RABGAP1L: variants seen among roughly 807,000 people sequenced by gnomAD.
RABGAP1L encodes RAB GTPase activating protein 1 like, also known as rab GTPase-activating protein 1-like.
A neutral mutation model predicts 137.7 loss-of-function variants in RABGAP1L; 63 were observed. The ratio of observed to expected loss-of-function variants is 0.46; its 90% CI spans 0.37 to 0.56. The LOEUF (loss-of-function observed/expected upper bound fraction) is 0.56, where lower values mean the gene tolerates loss of function less well. Among genes scored for constraint, RABGAP1L ranks in the 20% least tolerant of loss-of-function variants. The pLI, the probability that RABGAP1L is intolerant of heterozygous loss-of-function variation, is 0.00. For missense variants in RABGAP1L, 1,095 were observed against 1,244.0 expected, an observed-to-expected ratio of 0.88 and a Z score of 1.80; for synonymous variants, 431 against 433.7, an observed-to-expected ratio of 0.99 and a Z score of 0.08.
chr1:174,163,457 C>A (rs1195053310), intron 1 of RABGAP1L, among the ~76,000 whole-genome samples: 1 of 151,934 alleles, frequency 6.6e-6, no homozygotes, highest in East Asian at 1.9e-4. Flanking sequence ...TTTTGGTGTA[C>A]TTTTTGGGGA....
At chr1:174,339,149 G>C (rs925464326) in intron 11 of RABGAP1L, among the ~76,000 whole-genome samples, 1 of 152,088 alleles carries the variant, frequency 6.6e-6, no homozygotes, top group African/African-American at 2.4e-5. Context: ...TTTTTACATG[G>C]ATAGTATTTA....
Position 174,804,282 on chromosome 1 carries a change from T to TTTTTTTTTTGG in RABGAP1L, c.2212-7541_2212-7540insGGTTTTTTTTT, listed in dbSNP as rs1388968461. Among the ~76,000 whole-genome samples the TTTTTTTTTTGG allele has an allele frequency of 9.7e-4, 139 of 143,198 alleles. 1 individual carries two copies. Among genetic ancestry groups the TTTTTTTTTTGG allele is most frequent in the African/African-American group, 3.2e-3 (127 of 39,136 alleles). 93.9% of individuals were successfully genotyped at this position (143,198 alleles called of 152,430 possible). On this transcript the variant is annotated intron_variant, in intron 18 of 25. Coordinates refer to ENST00000681986, the MANE Select transcript of RABGAP1L (RefSeq NM_001366446.1). Reference sequence around the variant, plus strand: ...TTGTTTTGTTTTGTTTTGTTTTTTGTTTTTTTTTTTGAGATAGGGTTTCAG... The same window carrying TTTTTTTTTTGG: ...TTGTTTTGTTTTGTTTTGTTTTTTGTTTTTTTTTTGGTTTTTTTTTTGAGATAGGGTTTCAG...
At chr1:174,489,387 TCAAA>T in intron 13 of RABGAP1L, among the ~76,000 whole-genome samples, 1 of 152,262 alleles carries the variant, frequency 6.6e-6, no homozygotes, top group Non-Finnish European at 1.5e-5. Flanking sequence ...CAGACACTTC[TCAAA>T]AGAAGACATT....
Position 174,758,548 on chromosome 1 carries a change from G to A in RABGAP1L, c.2211+6194G>A, listed in dbSNP as rs529378618. Among the ~76,000 whole-genome samples the A allele has an allele frequency of 7.2e-4, 109 of 151,452 alleles. 1 individual carries two copies. The highest frequency in any genetic ancestry group is 2.4e-3 in the African/African-American group (101 of 41,322). On this transcript the variant is annotated intron_variant, in intron 18 of 25. Coordinates refer to ENST00000681986, the MANE Select transcript of RABGAP1L (RefSeq NM_001366446.1). The stretch of plus-strand genomic sequence containing the variant: ...CACTTAGTGAGAACATTTGGTATTT[G>A]GTTTTCCATTCCTGAGTTACTTCAC...
intron 13 of RABGAP1L, among the ~76,000 whole-genome samples, chr1:174,471,637 T>A (rs533029786): frequency 5.3e-5 from 8 of 152,336 alleles, no homozygotes; most frequent in African/African-American, 1.9e-4. Flanking sequence ...GTAGTTGTTC[T>A]ATATACTATA....
chr1:174,613,073 T>C lies in RABGAP1L; in HGVS notation c.1711-24302T>C, dbSNP rs946639132. 8.9e-4 allele frequency among the ~76,000 whole-genome samples: 134 copies of C among 150,836 alleles called. 2 individuals carry two copies. In the Middle Eastern group the frequency reaches 0.014, roughly 15 times the overall value. ...CTATTTCCTTCAGTTCTGCTCTGAT[T>C]TTAGTTATTTCTTGCCTTCTGCTAG... On this transcript the variant is annotated intron_variant, in intron 13 of 25. Transcript: ENST00000681986.
intron 19 of RABGAP1L, among the ~76,000 whole-genome samples, chr1:174,933,160 A>G (rs1045715072): frequency 6.6e-6 from 1 of 152,166 alleles, no homozygotes; most frequent in African/African-American, 2.4e-5. Context: ...ACATACATTT[A>G]TATGCATTTG....
intron 15 of RABGAP1L, among the ~76,000 whole-genome samples, chr1:174,693,970 G>C (rs191537798): frequency 2.0e-5 from 3 of 152,064 alleles, no homozygotes; most frequent in Non-Finnish European, 1.5e-5. Context: ...TCAACCAATC[G>C]TGGATGAAAA....
chr1:174,575,293 G>A (rs1346205120), intron 13 of RABGAP1L, among the ~76,000 whole-genome samples: 1 of 152,030 alleles, frequency 6.6e-6, no homozygotes. Flanking sequence ...AATATATTTG[G>A]TAAAAAACAT....
intron 13 of RABGAP1L, among the ~76,000 whole-genome samples, chr1:174,535,954 C>T (rs902945624): frequency 1.3e-5 from 2 of 152,040 alleles, no homozygotes; most frequent in Non-Finnish European, 2.9e-5. Context: ...CAGGACAGTG[C>T]CTGCACATTA....
chr1:174,306,010 C>T (rs564879334), intron 11 of RABGAP1L, among the ~76,000 whole-genome samples: 12 of 152,120 alleles, frequency 7.9e-5, no homozygotes, highest in East Asian at 3.9e-4. Flanking sequence ...TGAGAACATG[C>T]GGTGTTTGGT....
chr1:174,283,271 T>C (rs1477589202), intron 10 of RABGAP1L, among the ~76,000 whole-genome samples: 1 of 151,258 alleles, frequency 6.6e-6, no homozygotes, highest in Admixed American at 6.6e-5. Flanking sequence ...CCAAGCGTGG[T>C]GGTGTGCACC....
At chr1:174,515,917 A>G (rs543269611) in intron 13 of RABGAP1L, among the ~76,000 whole-genome samples, 1 of 152,088 alleles carries the variant, frequency 6.6e-6, no homozygotes, top group Non-Finnish European at 1.5e-5. Context: ...TGTAACTTAG[A>G]TCACTTGGAG....
intron 13 of RABGAP1L, among the ~76,000 whole-genome samples, chr1:174,505,832 A>C (rs1445192879): frequency 6.6e-6 from 1 of 152,204 alleles, no homozygotes; most frequent in Non-Finnish European, 1.5e-5. Context: ...CAGTATGTCA[A>C]AGAGATATTT....
intron 19 of RABGAP1L, among the ~76,000 whole-genome samples, chr1:174,863,253 A>AAAAAG (rs1349657316): frequency 6.6e-6 from 1 of 151,670 alleles, no homozygotes; most frequent in Non-Finnish European, 1.5e-5. Flanking sequence ...AAAAAAGAAA[A>AAAAAG]ACAGTATATT....
At chr1:174,939,889 T>C (rs1408566902) in intron 19 of RABGAP1L, among the ~76,000 whole-genome samples, 3 of 152,264 alleles carry the variant, frequency 2.0e-5, no homozygotes, top group Admixed American at 2.0e-4. Flanking sequence ...TATTCCAACA[T>C]TTAACTAATT....
intron 1 of RABGAP1L, among the ~76,000 whole-genome samples, chr1:174,217,008 G>A (rs1026907239): frequency 1.3e-5 from 2 of 152,122 alleles, no homozygotes; most frequent in African/African-American, 4.8e-5. Context: ...TTTTACAGTA[G>A]ATAAGAGCAT....
chr1:174,562,107 C>T (rs1405316271), intron 13 of RABGAP1L, among the ~76,000 whole-genome samples: 1 of 152,184 alleles, frequency 6.6e-6, no homozygotes, highest in Non-Finnish European at 1.5e-5. Flanking sequence ...ATCTATCCAT[C>T]TGACAAAGGG....
At chr1:174,181,445 C>T (rs1244960725) in intron 1 of RABGAP1L, among the ~76,000 whole-genome samples, 1 of 151,190 alleles carries the variant, frequency 6.6e-6, no homozygotes, top group Non-Finnish European at 1.5e-5. Flanking sequence ...TCACGCCATT[C>T]TCCTGCCTCA....
Sources: allele counts gnomAD v4.1 joint callset (sites outside exome capture counted in the v4.1 genomes callset), GRCh38; gene constraint gnomAD v4.1.1; transcripts MANE v1.5; gene names NCBI Gene and HGNC (gene_info 2026-07-23, HGNC 2026-07-21).